Variants in MYO18B observed in about 807,000 individuals in gnomAD.
MYO18B encodes the protein myosin XVIIIB, also known as unconventional myosin-XVIIIb.
Under a neutral mutation model 273.0 loss-of-function variants are expected in MYO18B, and 204 were observed. The observed-to-expected ratio is 0.75, with a 90% CI of 0.67 to 0.84. The LOEUF is 0.84. Among genes scored for constraint, MYO18B ranks in the 40% least tolerant of loss-of-function variants. The pLI is 0.00. For missense variants in MYO18B, 3,212 were observed against 3,287.6 expected (o/e 0.98, Z 0.56); for synonymous variants, 1,330 against 1,305.7 (o/e 1.02, Z -0.40).
intron 42 of MYO18B, among the ~76,000 whole-genome samples, chr22:26,011,280 A>G (rs1934901222): frequency 6.6e-6 from 1 of 152,062 alleles, no homozygotes; most frequent in African/African-American, 2.4e-5. Context: ...AGTTTTCACA[A>G]AAAATGCAAG....
intron 21 of MYO18B, among the ~76,000 whole-genome samples, chr22:25,857,291 A>G (rs1001744579): frequency 1.3e-5 from 2 of 152,184 alleles, no homozygotes; most frequent in African/African-American, 2.4e-5. Context: ...GATGTGAGGA[A>G]ACCCTTGGGC....
intron 1 of MYO18B, among the ~76,000 whole-genome samples, chr22:25,755,143 T>C (rs1261283224): frequency 6.6e-6 from 1 of 152,072 alleles, no homozygotes; most frequent in Non-Finnish European, 1.5e-5. Context: ...TTCTCTTCTT[T>C]CCCCCATCCC....
chr22:25,925,435 CT>C (rs1483732067), intron 34 of MYO18B, among the ~76,000 whole-genome samples: 4 of 152,126 alleles, frequency 2.6e-5, no homozygotes, highest in African/African-American at 9.7e-5. Flanking sequence ...TTATTTCCCC[CT>C]ATTTTAAAAT....
At chr22:25,905,550 G>C (rs2301503) in intron 31 of MYO18B, among the ~76,000 whole-genome samples, 42,623 of 152,110 alleles carry the variant, frequency 0.28, 6,567 homozygotes, top group Middle Eastern at 0.36. Context: ...ATTTACTGAA[G>C]AGGGAAGCTG....
chr22:25,914,686 CTTTTTTTTTTTTTTT>C (rs3070566), intron 33 of MYO18B, among the ~76,000 whole-genome samples: 4 of 50,824 alleles, frequency 7.9e-5, no homozygotes, highest in Non-Finnish European at 1.0e-4. Context: ...AGTTTTGACT[CTTTTTTTTTTTTTTT>C]TTTTTTTTTT....
At chr22:25,779,957 T>G (rs2087065026) in intron 8 of MYO18B, 99 bp from the exon 9 acceptor site, 1 of 1,425,410 alleles carries the variant, frequency 7.0e-7, no homozygotes, top group Non-Finnish European at 9.3e-7. Flanking sequence ...GGATGGGGAC[T>G]GGCCCAAGCA....
At chr22:25,857,091 G>C (rs1210680372) in intron 21 of MYO18B, among the ~76,000 whole-genome samples, 1 of 152,054 alleles carries the variant, frequency 6.6e-6, no homozygotes, top group Non-Finnish European at 1.5e-5. Context: ...TTCCATTCCT[G>C]TCTCCCAGGC....
intron 39 of MYO18B, among the ~76,000 whole-genome samples, chr22:25,974,774 T>C (rs1267115545): frequency 2.6e-5 from 4 of 152,218 alleles, no homozygotes; most frequent in African/African-American, 9.6e-5. Context: ...AGGAAACTCA[T>C]AGACCTCTCC....
rs185802314 is a variant in MYO18B at position 25,846,162 on chromosome 22, C to A, written c.3431C>A (p.Ala1144Glu). 1 of 1,609,854 alleles carries A rather than the reference C, an allele frequency of 6.2e-7. No homozygotes were observed. The highest frequency in any genetic ancestry group is 8.5e-7 in the Non-Finnish European group (1 of 1,178,814). ...AKLPPVCRAV[A>E]GLEGTSQQAL... ...CTGCCTCCTGTGTGCCGGGCTGTGG[C>A]AGGCCTGGAGGGCACCTCCCAGCAG... The change falls in exon 19 of 44, where the codon GCA (alanine) becomes GAA (glutamate). Residue 1144 changes from alanine (A) to glutamate (E), a missense_variant. Ala to Glu is a moderately radical substitution (Grantham distance 107). Transcript: ENST00000335473.
chr22:26,027,137 A>G lies in MYO18B; in HGVS notation c.7163A>G (p.Glu2388Gly), dbSNP rs2147022047. The G allele has an allele frequency of 6.2e-7, 1 of 1,613,960 alleles. No individual in the cohort carries two copies. Among genetic ancestry groups the G allele is most frequent in the Admixed American group, 1.7e-5 (1 of 60,022 alleles). The change falls in exon 43 of 44, where the codon GAG becomes GGG. Residue 2388 changes from glutamate to glycine, a missense_variant. Glu to Gly is a moderately conservative substitution (Grantham distance 98). Transcript: ENST00000335473. This position sits in a 1 kb window ranked among gnomAD's most constrained non-coding sequence, Gnocchi z 4.1. ...CTGCGTCCTCGGAGGCGGTGTCTGGAGTCCTCTGTGGACGATGCGGGCTGT... is the reference window on the plus strand; with the variant it reads ...CTGCGTCCTCGGAGGCGGTGTCTGGGGTCCTCTGTGGACGATGCGGGCTGT... Reference protein sequence around the residue: ...PTLRPRRRCLESSVDDAGCPD... With the variant: ...PTLRPRRRCLGSSVDDAGCPD...
intron 39 of MYO18B, among the ~76,000 whole-genome samples, chr22:25,961,123 T>C (rs1321036980): frequency 1.3e-5 from 2 of 151,684 alleles, no homozygotes; most frequent in Non-Finnish European, 2.9e-5. Context: ...CTCAGGAGGC[T>C]GAGGTGGAAG....
intron 28 of MYO18B, 125 bp from the exon 29 acceptor site, chr22:25,898,182 C>A: frequency 9.3e-7 from 1 of 1,073,606 alleles, no homozygotes; most frequent in East Asian, 2.6e-5. Context: ...AAGACAGGGT[C>A]TCCCCATTCC....
chr22:25,827,771 G>A (rs2089549589), intron 14 of MYO18B, among the ~76,000 whole-genome samples: 1 of 152,186 alleles, frequency 6.6e-6, no homozygotes, highest in African/African-American at 2.4e-5. Context: ...GAAATGAACT[G>A]CTGGCGGAGG....
intron 39 of MYO18B, among the ~76,000 whole-genome samples, chr22:25,986,512 T>C (rs1569265885): frequency 6.6e-6 from 1 of 152,208 alleles, no homozygotes; most frequent in Non-Finnish European, 1.5e-5. Context: ...TCAATAAAGA[T>C]TAAATGAGAT....
chr22:25,928,847 A>G (rs1403566996), intron 34 of MYO18B, among the ~76,000 whole-genome samples: 3 of 152,144 alleles, frequency 2.0e-5, no homozygotes, highest in Admixed American at 6.5e-5. Context: ...GAAAGGAGTC[A>G]TTAAATTGAA....
intron 12 of MYO18B, among the ~76,000 whole-genome samples, chr22:25,810,934 A>G (rs2088721929): frequency 6.6e-6 from 1 of 152,164 alleles, no homozygotes; most frequent in African/African-American, 2.4e-5. Context: ...TGACAATTAT[A>G]TAATGTCATA....
In MYO18B at chr22:25,763,145, C is replaced by T. The variant is rs6004760; in HGVS notation, c.40-86C>T. The T allele has an allele frequency of 5.9e-4, 900 of 1,531,564 alleles. 5 individuals carry two copies. In the African/African-American group the frequency reaches 0.011, roughly 18 times the overall value. The allele number at this position is 1,531,564 out of a possible 1,614,324, so 94.9% of individuals were successfully genotyped here. A position where few individuals can be genotyped will look rare whatever the true frequency, so the allele number is the denominator to read the frequency against. ...TCATGTATGTCTCCTCCGCCCCCTC[C>T]CAGGCTCCATCACAAACTTTGAAGG... On this transcript the variant is annotated intron_variant, in intron 2 of 43. Coordinates refer to ENST00000335473, the MANE Select transcript of MYO18B (RefSeq NM_032608.7).
intron 15 of MYO18B, 30 bp downstream of exon 15, chr22:25,828,998 C>T: frequency 6.2e-7 from 1 of 1,610,068 alleles, no homozygotes; most frequent in South Asian, 1.1e-5. Context: ...GGGCTTTCAC[C>T]AGAGCTCCGT....
At chr22:25,784,561 G>A (rs2087298335) in intron 10 of MYO18B, among the ~76,000 whole-genome samples, 1 of 152,228 alleles carries the variant, frequency 6.6e-6, no homozygotes, top group African/African-American at 2.4e-5. Flanking sequence ...AGAGAATCCA[G>A]GGAGAGGACA....
Sources: allele counts gnomAD v4.1 joint callset (sites outside exome capture counted in the v4.1 genomes callset), GRCh38; gene constraint gnomAD v4.1.1; non-coding constraint Gnocchi (gnomAD v3.1); transcripts MANE v1.5; gene names NCBI Gene and HGNC (gene_info 2026-07-23, HGNC 2026-07-21).